TERF1: variants seen among roughly 807,000 people sequenced by gnomAD.
TERF1 encodes telomeric repeat-binding factor 1.
In TERF1, 20 loss-of-function variants were observed where a neutral mutation model predicts 55.1. The observed-to-expected ratio is 0.36, with a 90% confidence interval of 0.26 to 0.53. The LOEUF is 0.53. Among genes scored for constraint, TERF1 ranks in the 20% least tolerant of loss-of-function variants. The probability of loss-of-function intolerance (pLI) is 0.91; values close to 1 mark genes in which losing one functional copy is unlikely to be tolerated. For synonymous variants in TERF1, 168 were observed against 181.2 expected (o/e 0.93, Z 0.59); for missense variants, 439 against 535.7 (o/e 0.82, Z 1.78).
chr8:73,029,520 G>A (rs1809184742), intron 6 of TERF1, among the ~76,000 whole-genome samples: 1 of 152,022 alleles, frequency 6.6e-6, no homozygotes, highest in African/African-American at 2.4e-5. Context: ...AGAGGCTTAG[G>A]TGAGAGGATT....
In TERF1 at chr8:73,030,882, G is replaced by A. The variant is rs186428735; in HGVS notation, c.947+487G>A. On this transcript the variant is annotated intron_variant, in intron 7 of 9. Coordinates refer to ENST00000276603, the MANE Select transcript of TERF1 (RefSeq NM_017489.3). ...ACATAGAGCAGTTGGGATCACAAGT[G>A]GAACCATGGGGAGGAGGTGGCTGAC... 819 of 152,532 alleles carry A rather than the reference G, an allele frequency of 5.4e-3. 9 individuals are homozygous for A. The highest frequency in any genetic ancestry group is 6.8e-3 in the Non-Finnish European group (463 of 68,156). The allele number at this position is 152,532 out of a possible 1,614,324, so 9.4% of individuals were successfully genotyped here. A position where few individuals can be genotyped will look rare whatever the true frequency, so the allele number is the denominator to read the frequency against.
At position 73,008,988 on chromosome 8, in the gene TERF1, C is replaced by T. The variant is rs1808147765; in HGVS notation, c.102C>T (p.Asn34=). ...TEEQMAETER[N]DEEQFECQEL... ...AGCAGATGGCAGAAACAGAGAGAAA[C>T]GACGAGGAGCAGTTCGAATGCCAGG... The change falls in exon 1 of 10, where the codon AAC becomes AAT. Residue 34 remains asparagine (N), a synonymous_variant. Transcript: ENST00000276603. 6.2e-7 allele frequency: 1 copy of T among 1,612,530 alleles called. No individual in the cohort carries two copies.
intron 3 of TERF1, among the ~76,000 whole-genome samples, 179 bp from the exon 4 acceptor site, chr8:73,022,037 A>G (rs1464445830): frequency 6.6e-6 from 1 of 152,206 alleles, no homozygotes; most frequent in Non-Finnish European, 1.5e-5. Flanking sequence ...ATGTCATTTC[A>G]AGCGACACTT....
chr8:73,035,872 T>A (rs1197027105), intron 8 of TERF1, among the ~76,000 whole-genome samples: 1 of 152,196 alleles, frequency 6.6e-6, no homozygotes, highest in African/African-American at 2.4e-5. Flanking sequence ...ATCTTGACTA[T>A]TCTGGTGTTT....
intron 2 of TERF1, 75 bp downstream of exon 2, chr8:73,014,065 C>A (rs949925092): frequency 3.4e-5 from 43 of 1,276,448 alleles, no homozygotes; most frequent in Non-Finnish European, 4.6e-5. Flanking sequence ...AAGAAACAGA[C>A]GTTTTTGGGG....
At chr8:73,014,851 A>G (rs1206458856) in intron 2 of TERF1, among the ~76,000 whole-genome samples, 2 of 152,178 alleles carry the variant, frequency 1.3e-5, no homozygotes, top group Non-Finnish European at 2.9e-5. Context: ...AGTTGGTGCC[A>G]GGACCATAAA....
Position 73,026,928 on chromosome 8 carries a change from A to G in TERF1, c.775-12A>G. 1.2e-6 allele frequency: 2 copies of G among 1,604,652 alleles called. No homozygotes were observed. The highest frequency in any genetic ancestry group is 1.7e-6 in the Non-Finnish European group (2 of 1,174,442). On this transcript the variant is annotated splice_polypyrimidine_tract_variant and intron_variant, in intron 5 of 9. Coordinates refer to ENST00000276603, the MANE Select transcript of TERF1 (RefSeq NM_017489.3). Reference sequence around the variant, plus strand: ...TCTTCCTATCCTTCTACCTCCACGCACGTTTTTTAAGGCAGCGGCAAAAGT... The same window carrying G: ...TCTTCCTATCCTTCTACCTCCACGCGCGTTTTTTAAGGCAGCGGCAAAAGT...
In TERF1 at chr8:73,008,949, C is replaced by T. The variant is rs139198822; in HGVS notation, c.63C>T (p.Ala21=). ...SPRGCADGRD[A]DPTEEQMAET... ...GGGGCTGTGCGGATGGTAGGGATGCCGACCCTACTGAGGAGCAGATGGCAG... is the reference window on the plus strand; with the variant it reads ...GGGGCTGTGCGGATGGTAGGGATGCTGACCCTACTGAGGAGCAGATGGCAG... Residue 21 remains alanine, a synonymous_variant, in exon 1 of 10, where the codon GCC becomes GCT. Transcript: ENST00000276603. 3.0e-5 allele frequency: 48 copies of T among 1,612,840 alleles called. No individual in the cohort carries two copies. Among genetic ancestry groups the T allele is most frequent in the East Asian group, 2.7e-4 (12 of 44,872 alleles).
intron 4 of TERF1, 28 bp from the exon 5 acceptor site, chr8:73,024,789 TTTATG>T: frequency 6.8e-7 from 1 of 1,466,210 alleles, no homozygotes; most frequent in Non-Finnish European, 9.2e-7. Context: ...CTTTGTGTGA[TTTATG>T]TTAATATATT....
At position 73,008,905 on chromosome 8, in the gene TERF1, T is replaced by C; in HGVS notation, c.19T>C (p.Ser7Pro). 1.2e-6 allele frequency: 2 copies of C among 1,608,424 alleles called. No individual in the cohort carries two copies. The highest frequency in any genetic ancestry group is 1.7e-6 in the Non-Finnish European group (2 of 1,177,832). Residue 7 changes from serine to proline, a missense_variant, in exon 1 of 10, where the codon TCA (serine) becomes CCA (proline). Ser to Pro is a moderately conservative substitution (Grantham distance 74). Around this residue, in one of 4 missense-constraint regions of TERF1, gnomAD observed 179 missense variants for 152.6 expected, o/e 1.17. Transcript: ENST00000276603. Reference protein sequence around the residue: MAEDVSSAAPSPRGCAD... With the variant: MAEDVSPAAPSPRGCAD... ...ATTTAACATGGCGGAGGATGTTTCC[T>C]CAGCGGCCCCGAGCCCGCGGGGCTG... is the stretch of plus-strand genomic sequence containing the variant.
intron 4 of TERF1, among the ~76,000 whole-genome samples, chr8:73,023,273 T>C (rs2129784099): frequency 6.6e-6 from 1 of 152,366 alleles, no homozygotes; most frequent in Non-Finnish European, 1.5e-5. Flanking sequence ...GAAAGAATTC[T>C]AGTTGCTCCA....
intron 9 of TERF1, among the ~76,000 whole-genome samples, chr8:73,044,086 G>T (rs138570081): frequency 4.7e-4 from 71 of 152,234 alleles, no homozygotes; most frequent in African/African-American, 1.6e-3. Context: ...CCCCACACAT[G>T]AAAAATTTAT....
chr8:73,026,732 C>T (rs535031090), intron 5 of TERF1, among the ~76,000 whole-genome samples: 5 of 151,474 alleles, frequency 3.3e-5, no homozygotes, highest in East Asian at 3.9e-4. Flanking sequence ...ACCTTCGTAA[C>T]GCTGATAAAC....
At chr8:73,045,837 A>T in intron 9 of TERF1, 124 bp from the exon 10 acceptor site, 1 of 683,676 alleles carries the variant, frequency 1.5e-6, no homozygotes, top group Non-Finnish European at 2.3e-6. Flanking sequence ...AGAAATGTTT[A>T]GAGAAGTCTT....
At chr8:73,026,760 T>C (rs1406963500) in intron 5 of TERF1, among the ~76,000 whole-genome samples, 180 bp from the exon 6 acceptor site, 4 of 152,158 alleles carry the variant, frequency 2.6e-5, no homozygotes, top group Non-Finnish European at 4.4e-5. Flanking sequence ...ATAGCTAATG[T>C]AGCTGCTGGC....
At chr8:73,036,193 G>A (rs1427703607) in intron 8 of TERF1, among the ~76,000 whole-genome samples, 1 of 152,186 alleles carries the variant, frequency 6.6e-6, no homozygotes. Context: ...GTAACAAATA[G>A]CAAACAAGCC....
chr8:73,022,274 G>T lies in TERF1; in HGVS notation c.596G>T (p.Arg199Ile). 6.3e-7 allele frequency: 1 copy of T among 1,590,078 alleles called. No homozygotes were observed. Among genetic ancestry groups the T allele is most frequent in the South Asian group, 1.2e-5 (1 of 85,522 alleles). ...AAAGAAGCAGAAGAAGTCTTTGAAA[G>T]AATATTTGGTGATCCAAATTCTCAT... ...NFKEAEEVFE[R>I]IFGDPNSHMP... The change falls in exon 4 of 10, where the codon AGA becomes ATA. Residue 199 changes from arginine to isoleucine, a missense_variant. Arg to Ile is a moderately conservative substitution (Grantham distance 97). Around this residue, in one of 4 missense-constraint regions of TERF1, gnomAD observed 95 missense variants for 167.2 expected, o/e 0.57. Coordinates refer to ENST00000276603, the MANE Select transcript of TERF1 (RefSeq NM_017489.3).
chr8:73,027,706 C>T (rs1235103419), intron 6 of TERF1, among the ~76,000 whole-genome samples: 2 of 152,090 alleles, frequency 1.3e-5, no homozygotes, highest in African/African-American at 4.8e-5. Flanking sequence ...TGTTCTTCTA[C>T]CCTTAAACCA....
intron 9 of TERF1, among the ~76,000 whole-genome samples, chr8:73,042,317 A>G (rs1809867225): frequency 6.6e-6 from 1 of 152,216 alleles, no homozygotes; most frequent in Non-Finnish European, 1.5e-5. Context: ...GATAATATCT[A>G]TCACCATTTC....
Sources: gnomAD v4.1 joint callset for allele counts (sites outside exome capture counted in the v4.1 genomes callset) on GRCh38, gnomAD v4.1.1 for gene constraint, gnomAD v4.1.1 regional missense constraint, MANE v1.5 for transcripts, NCBI Gene and HGNC (gene_info 2026-07-23, HGNC 2026-07-21) for gene names.